Variants in DCDC2C observed in about 807,000 individuals in gnomAD.
DCDC2C encodes the protein doublecortin domain containing 2C, also known as doublecortin domain-containing protein 2C.
A neutral mutation model predicts 45.0 loss-of-function variants in DCDC2C; 44 were observed. The ratio of observed to expected loss-of-function variants is 0.98; its 90% CI spans 0.77 to 1.26. The LOEUF (loss-of-function observed/expected upper bound fraction) is 1.26. Ranked by LOEUF, DCDC2C falls within the 50% of genes most tolerant of loss-of-function variation. The probability of loss-of-function intolerance (pLI) is 0.00; values close to 1 mark genes in which losing one functional copy is unlikely to be tolerated. For synonymous variants in DCDC2C, 187 were observed against 178.8 expected (o/e 1.05, Z -0.37); for missense variants, 447 against 468.9 (o/e 0.95, Z 0.43).
At chr2:3,801,839 C>T (rs1338824156) in intron 10 of DCDC2C, among the ~76,000 whole-genome samples, 1 of 152,238 alleles carries the variant, frequency 6.6e-6, no homozygotes, top group Admixed American at 6.5e-5. Context: ...ATACCCTCTG[C>T]CTCCCTCAGG....
chr2:3,715,331 T>C (rs1331999195), intron 2 of DCDC2C, among the ~76,000 whole-genome samples: 1 of 152,140 alleles, frequency 6.6e-6, no homozygotes, highest in African/African-American at 2.4e-5. Context: ...TGAGAGATTA[T>C]ACCAAGTTAA....
intron 8 of DCDC2C, among the ~76,000 whole-genome samples, chr2:3,775,928 T>C (rs1670318310): frequency 8.1e-6 from 1 of 122,888 alleles, no homozygotes; most frequent in African/African-American, 2.9e-5. Context: ...CAGCTGTGGC[T>C]CTGAGCTAGG....
intron 9 of DCDC2C, among the ~76,000 whole-genome samples, chr2:3,784,814 C>A (rs1478900928): frequency 6.6e-6 from 1 of 151,862 alleles, no homozygotes; most frequent in African/African-American, 2.4e-5. Flanking sequence ...TAAGAATGAT[C>A]AAAAAGATGT....
At chr2:3,769,539 C>A in intron 8 of DCDC2C, 128 bp downstream of exon 8, 2 of 818,084 alleles carry the variant, frequency 2.4e-6, no homozygotes, top group South Asian at 1.7e-5. Context: ...TGTGTTCCTC[C>A]TAGTTAGAGA....
At chr2:3,707,745 C>T (rs115131441) in intron 1 of DCDC2C, among the ~76,000 whole-genome samples, 2,970 of 152,260 alleles carry the variant, frequency 0.02, 113 homozygotes, top group African/African-American at 0.069. Flanking sequence ...CCACCCTTGG[C>T]GAGTGCCATC....
At chr2:3,719,332 G>A (rs963432339) in intron 2 of DCDC2C, among the ~76,000 whole-genome samples, 1 of 152,104 alleles carries the variant, frequency 6.6e-6, no homozygotes, top group Non-Finnish European at 1.5e-5. Context: ...TGATCTGCCC[G>A]CCTTGGCCTC....
chr2:3,770,299 C>T (rs1177130636), intron 8 of DCDC2C, among the ~76,000 whole-genome samples: 1 of 152,186 alleles, frequency 6.6e-6, no homozygotes, highest in African/African-American at 2.4e-5. Context: ...TCCTGGTATC[C>T]AGCAAACTTT....
chr2:3,816,946 G>A (rs908239243), intron 10 of DCDC2C, among the ~76,000 whole-genome samples: 13 of 152,306 alleles, frequency 8.5e-5, no homozygotes, highest in East Asian at 3.9e-4. Context: ...GCGGACTAGC[G>A]GCTTGTAACC....
At chr2:3,810,381 T>A (rs1558237529) in intron 10 of DCDC2C, among the ~76,000 whole-genome samples, 1 of 152,242 alleles carries the variant, frequency 6.6e-6, no homozygotes, top group Non-Finnish European at 1.5e-5. Context: ...GTTAGCCACA[T>A]AAATGTCTTT....
At chr2:3,755,731 T>C (rs1033093446) in intron 6 of DCDC2C, among the ~76,000 whole-genome samples, 6 of 152,070 alleles carry the variant, frequency 3.9e-5, no homozygotes, top group African/African-American at 1.5e-4. Context: ...GCATATGTTG[T>C]ATGGATGTGT....
intron 3 of DCDC2C, among the ~76,000 whole-genome samples, chr2:3,736,673 GT>G (rs917604950): frequency 6.6e-6 from 1 of 152,250 alleles, no homozygotes; most frequent in African/African-American, 2.4e-5. Context: ...AATGTTTCAG[GT>G]TTTTTCCTGA....
intron 10 of DCDC2C, among the ~76,000 whole-genome samples, chr2:3,806,201 T>A (rs1418347022): frequency 2.0e-5 from 3 of 152,210 alleles, no homozygotes; most frequent in African/African-American, 7.2e-5. Context: ...CATGACTCCC[T>A]TTGCTGCATT....
intron 10 of DCDC2C, among the ~76,000 whole-genome samples, chr2:3,806,255 G>T (rs1487247287): frequency 6.6e-6 from 1 of 152,236 alleles, no homozygotes; most frequent in Non-Finnish European, 1.5e-5. Flanking sequence ...GTTTTGTCTT[G>T]TTCTAAACGG....
chr2:3,792,422 G>A lies in DCDC2C; in HGVS notation c.1065+7322G>A, dbSNP rs997463657. Among the ~76,000 whole-genome samples the A allele has an allele frequency of 6.6e-5, 10 of 152,110 alleles. No individual in the cohort carries two copies. The East Asian group carries it at 7.7e-4, about 12-fold the overall frequency. On this transcript the variant is annotated intron_variant, in intron 10 of 10. Coordinates refer to ENST00000399143, the MANE Select transcript of DCDC2C (RefSeq NM_001287444.2). ...TAAAATATGACCACATAATGCACAA[G>A]CCATTGTAGTCACAAAAGGAAAGTA... is the stretch of plus-strand genomic sequence containing the variant.
chr2:3,836,752 C>T (rs1481229803), intron 10 of DCDC2C, among the ~76,000 whole-genome samples: 2 of 151,796 alleles, frequency 1.3e-5, no homozygotes, highest in Non-Finnish European at 2.9e-5. Flanking sequence ...GTCCCAGCTA[C>T]TCGGGAGGCT....
chr2:3,728,123 G>T (rs57201373), intron 3 of DCDC2C, among the ~76,000 whole-genome samples: 30,487 of 151,976 alleles, frequency 0.2, 3,617 homozygotes, highest in African/African-American at 0.32. Context: ...ACGTCCCCTC[G>T]CAGTCCCGAG....
chr2:3,780,101 T>A (rs1410106870), intron 9 of DCDC2C, among the ~76,000 whole-genome samples: 1 of 152,110 alleles, frequency 6.6e-6, no homozygotes, highest in East Asian at 1.9e-4. Context: ...GGGAAGACTG[T>A]CAGACGAAGA....
In DCDC2C at chr2:3,762,069, C is replaced by T. The variant is rs371629817; in HGVS notation, c.727-5685C>T. On this transcript the variant is annotated intron_variant, in intron 6 of 10. Transcript: ENST00000399143. ...ATTTTGGAGGGCTTGAGACTTGAGA[C>T]GGAGAGAAATATGGGTGTAAGACGT... Among the ~76,000 whole-genome samples the T allele has an allele frequency of 3.2e-4, 49 of 151,312 alleles. 1 individual carries two copies. The South Asian group carries it at 8.4e-3, about 26-fold the overall frequency.
intron 10 of DCDC2C, among the ~76,000 whole-genome samples, chr2:3,794,177 G>A (rs982462371): frequency 6.6e-6 from 1 of 152,046 alleles, no homozygotes; most frequent in East Asian, 1.9e-4. Context: ...GAAAATATTG[G>A]TTCATTGAGT....
Sources: gnomAD v4.1 joint callset for allele counts (sites outside exome capture counted in the v4.1 genomes callset) on GRCh38, gnomAD v4.1.1 for gene constraint, MANE v1.5 for transcripts, NCBI Gene and HGNC (gene_info 2026-07-23, HGNC 2026-07-21) for gene names.